Variants in PAK2 observed in about 807,000 individuals in gnomAD.
The protein encoded by PAK2 is serine/threonine-protein kinase PAK 2.
PAK2 carries 21 observed loss-of-function variants against 65.9 expected under a neutral mutation model. The ratio of observed to expected loss-of-function variants is 0.32; its 90% CI spans 0.23 to 0.46. The LOEUF (loss-of-function observed/expected upper bound fraction) is 0.46, where lower values mean the gene tolerates loss of function less well. Ranked by LOEUF, PAK2 falls within the 20% of genes least tolerant of loss-of-function variation. PAK2 has a pLI of 1.00. For missense variants in PAK2, 324 were observed against 642.6 expected, an observed-to-expected ratio of 0.50 and a Z score of 5.36; for synonymous variants, 204 against 219.7, an observed-to-expected ratio of 0.93 and a Z score of 0.63.
intron 1 of PAK2, among the ~76,000 whole-genome samples, chr3:196,769,523 G>A (rs1714289873): frequency 1.3e-5 from 2 of 151,600 alleles, no homozygotes; most frequent in Admixed American, 6.6e-5. Flanking sequence ...CAGCAATTCC[G>A]CATCCCGGCC....
At chr3:196,786,355 G>A (rs1444427307) in intron 2 of PAK2, among the ~76,000 whole-genome samples, 5 of 151,900 alleles carry the variant, frequency 3.3e-5, no homozygotes, top group African/African-American at 1.2e-4. Context: ...TAGAGACAGG[G>A]TTTCATCATG....
chr3:196,765,052 G>A (rs1263479505), intron 1 of PAK2, among the ~76,000 whole-genome samples: 1 of 150,846 alleles, frequency 6.6e-6, no homozygotes, highest in Non-Finnish European at 1.5e-5. Flanking sequence ...CACCGTGTTA[G>A]CCAGGATGGT....
intron 1 of PAK2, among the ~76,000 whole-genome samples, chr3:196,768,219 A>G (rs1174550574): frequency 2.0e-5 from 3 of 152,086 alleles, no homozygotes; most frequent in Admixed American, 2.0e-4. Context: ...TGCTCATTGA[A>G]TGCCAGCAGA....
intron 7 of PAK2, among the ~76,000 whole-genome samples, chr3:196,808,515 C>T (rs1401271235): frequency 2.8e-5 from 4 of 145,382 alleles, no homozygotes; most frequent in Admixed American, 7.1e-5. Context: ...GAGCCGAGAT[C>T]GCGCCACTGC....
rs574312453 is a variant in PAK2, at chr3:196,817,647, C to T, written c.1054-410C>T. 4.6e-5 allele frequency among the ~76,000 whole-genome samples: 7 copies of T among 152,140 alleles called. No homozygotes were observed. The East Asian group carries it at 1.4e-3, about 29-fold the overall frequency. On this transcript the variant is annotated intron_variant, in intron 11 of 14. Transcript: ENST00000327134. ...GGATTACAGAAGTGAGCCACCATGC[C>T]TGGCCTCCCCTGGCTAATTTTTGTA...
In PAK2 at chr3:196,766,599, A is replaced by G. The variant is rs183277414; in HGVS notation, c.-21-16027A>G. 1.3e-3 allele frequency among the ~76,000 whole-genome samples: 202 copies of G among 152,298 alleles called. 1 individual carries two copies. The highest frequency in any genetic ancestry group is 4.7e-3 in the African/African-American group (194 of 41,586). On this transcript the variant is annotated intron_variant, in intron 1 of 14. Transcript: ENST00000327134. ...CTACAAGCAGTATTGTTCATTCTTC[A>G]TAAGCTGGTGATTTTATATAATTTA...
intron 2 of PAK2, among the ~76,000 whole-genome samples, chr3:196,783,509 G>A (rs896297159): frequency 1.3e-5 from 2 of 151,284 alleles, no homozygotes; most frequent in Non-Finnish European, 2.9e-5. Flanking sequence ...TTGAATACGG[G>A]AGGTGGAGGT....
At chr3:196,751,663 T>TATATATATATA (rs1713589849) in intron 1 of PAK2, among the ~76,000 whole-genome samples, 1,443 of 45,342 alleles carry the variant, frequency 0.032, 187 homozygotes, top group Middle Eastern at 0.054. Context: ...ACACACAAAT[T>TATATATATATA]TATTTATATA....
chr3:196,752,166 G>C (rs1160093240), intron 1 of PAK2, among the ~76,000 whole-genome samples: 1 of 152,114 alleles, frequency 6.6e-6, no homozygotes, highest in Non-Finnish European at 1.5e-5. Flanking sequence ...TTTTGGATAA[G>C]GGATACTCAA....
intron 7 of PAK2, 163 bp downstream of exon 7, chr3:196,808,077 C>G: frequency 1.7e-6 from 1 of 589,302 alleles, no homozygotes; most frequent in South Asian, 2.2e-5. Context: ...GTGATGTCAC[C>G]AGGTTCACCC....
chr3:196,778,259 A>G (rs992893288), intron 1 of PAK2, among the ~76,000 whole-genome samples: 1 of 152,094 alleles, frequency 6.6e-6, no homozygotes, highest in African/African-American at 2.4e-5. Context: ...ATTCCATCTT[A>G]TGGATACACC....
chr3:196,758,761 T>G (rs1190470656), intron 1 of PAK2, among the ~76,000 whole-genome samples: 1 of 152,162 alleles, frequency 6.6e-6, no homozygotes, highest in East Asian at 1.9e-4. Context: ...GTTCGGGCGA[T>G]TCTCATGCCT....
chr3:196,823,571 A>AC (rs201218580), intron 13 of PAK2, among the ~76,000 whole-genome samples: 7 of 151,894 alleles, frequency 4.6e-5, no homozygotes, highest in Admixed American at 1.3e-4. Context: ...AAACAAACAA[A>AC]AAAAACACCT....
At chr3:196,789,543 A>G (rs1461034119) in intron 2 of PAK2, among the ~76,000 whole-genome samples, 1 of 151,410 alleles carries the variant, frequency 6.6e-6, no homozygotes, top group Non-Finnish European at 1.5e-5. Flanking sequence ...GCTCACTGCA[A>G]CCTCCGCCTC....
At chr3:196,781,228 C>T (rs1714705665) in intron 1 of PAK2, among the ~76,000 whole-genome samples, 2 of 152,148 alleles carry the variant, frequency 1.3e-5, no homozygotes, top group Admixed American at 1.3e-4. Flanking sequence ...ATTAAATAAT[C>T]TTAGAATCAA....
At chr3:196,766,406 A>T (rs1040747176) in intron 1 of PAK2, among the ~76,000 whole-genome samples, 2 of 152,214 alleles carry the variant, frequency 1.3e-5, no homozygotes, top group Non-Finnish European at 2.9e-5. Context: ...ACCATTATAG[A>T]TACCATAATC....
intron 1 of PAK2, among the ~76,000 whole-genome samples, chr3:196,769,196 G>A (rs577784517): frequency 1.3e-5 from 2 of 151,438 alleles, no homozygotes; most frequent in South Asian, 4.2e-4. Flanking sequence ...GCGTGATGGT[G>A]CACGCCTGTG....
At chr3:196,816,102 A>G (rs943399647) in intron 11 of PAK2, among the ~76,000 whole-genome samples, 3 of 152,266 alleles carry the variant, frequency 2.0e-5, no homozygotes, top group Non-Finnish European at 2.9e-5. Flanking sequence ...GAAACTTCTA[A>G]TGTCATAGGA....
At position 196,818,074 on chromosome 3, in the gene PAK2, GT is replaced by G; in HGVS notation, c.1076del (p.Leu359TyrfsTer6). On this transcript the variant is annotated frameshift_variant, in exon 12 of 15. Transcript: ENST00000327134. LOFTEE classifies it high-confidence loss of function. ...CTGTTCAGTGTTTACAGGCATTGGAGTTTTTACATGCTAATCAAGTGATCCA... is the reference window on the plus strand; with the variant it reads ...CTGTTCAGTGTTTACAGGCATTGGAGTTTTACATGCTAATCAAGTGATCCA... Reference protein sequence around the residue: ...VCRECLQALEFLHANQVIHRD... With the variant: ...VCRECLQALEXLHANQVIHRD... 1.4e-6 allele frequency: 2 copies of G among 1,471,956 alleles called. No homozygotes were observed. The highest frequency in any genetic ancestry group is 1.9e-6 in the Non-Finnish European group (2 of 1,052,630). 91.2% of individuals were successfully genotyped at this position (1,471,956 alleles called of 1,614,324 possible). A position where few individuals can be genotyped will look rare whatever the true frequency, so the allele number is the denominator to read the frequency against.
Sources: gnomAD v4.1 joint callset for allele counts (sites outside exome capture counted in the v4.1 genomes callset) on GRCh38, gnomAD v4.1.1 for gene constraint, MANE v1.5 for transcripts, NCBI Gene and HGNC (gene_info 2026-07-23, HGNC 2026-07-21) for gene names.